The following FBXO16 variants were observed in gnomAD, a reference collection of about 807,000 sequenced individuals.
FBXO16 encodes the protein F-box protein 16.
A neutral mutation model predicts 41.0 loss-of-function variants in FBXO16; 31 were observed. The ratio of observed to expected loss-of-function variants is 0.76; its 90% CI spans 0.57 to 1.02. FBXO16 has a LOEUF of 1.02. Ranked by LOEUF, FBXO16 falls within the 50% of genes least tolerant of loss-of-function variation. FBXO16 has a pLI of 0.00. For missense variants in FBXO16, 361 were observed against 346.2 expected, an observed-to-expected ratio of 1.04 and a Z score of -0.34; for synonymous variants, 133 against 117.8, an observed-to-expected ratio of 1.13 and a Z score of -0.84.
At chr8:28,462,460 A>G (rs1029161219) in intron 4 of FBXO16, among the ~76,000 whole-genome samples, 5 of 150,952 alleles carry the variant, frequency 3.3e-5, no homozygotes, top group African/African-American at 1.2e-4. Flanking sequence ...TCGTATTTTT[A>G]GTAGAGACGG....
chr8:28,440,105 CTAT>C (rs34234188), intron 7 of FBXO16, among the ~76,000 whole-genome samples: 101,416 of 149,618 alleles, frequency 0.68, 35,874 homozygotes, highest in African/African-American at 0.88. Context: ...TATTTTATTA[CTAT>C]TATTATTATT....
intron 2 of FBXO16, among the ~76,000 whole-genome samples, chr8:28,480,533 C>T (rs191296117): frequency 6.6e-6 from 1 of 151,386 alleles, no homozygotes; most frequent in East Asian, 1.9e-4. Flanking sequence ...GACAGAGTCT[C>T]ACTCTGTTGC....
intron 4 of FBXO16, among the ~76,000 whole-genome samples, chr8:28,459,338 C>G (rs1417610106): frequency 6.6e-6 from 1 of 152,118 alleles, no homozygotes; most frequent in East Asian, 1.9e-4. Flanking sequence ...GCATCATAGG[C>G]TGGGCGCAGT....
chr8:28,433,059 CA>C (rs10551698), intron 7 of FBXO16, among the ~76,000 whole-genome samples: 3,984 of 117,632 alleles, frequency 0.034, 155 homozygotes, highest in African/African-American at 0.099. Flanking sequence ...AGACTTCGTC[CA>C]AAAAAAAAAA....
At chr8:28,457,063 C>T (rs1803051539) in intron 4 of FBXO16, 133 bp from the exon 5 acceptor site, 4 of 856,902 alleles carry the variant, frequency 4.7e-6, no homozygotes, top group South Asian at 2.0e-5. Context: ...CAAACCATAG[C>T]TTAAATGGTT....
At chr8:28,463,245 CGTTT>C (rs2130155500) in intron 4 of FBXO16, among the ~76,000 whole-genome samples, 1 of 144,284 alleles carries the variant, frequency 6.9e-6, no homozygotes, top group Non-Finnish European at 1.5e-5. Context: ...TTTGTGTACA[CGTTT>C]GTGTGTTTGT....
chr8:28,465,146 T>C (rs1394255489), intron 3 of FBXO16: 1 of 157,680 alleles, frequency 6.3e-6, no homozygotes, highest in Non-Finnish European at 1.4e-5. Flanking sequence ...AGGGTCAACT[T>C]GATATATATT....
At chr8:28,455,027 A>G (rs1413645604) in intron 5 of FBXO16, among the ~76,000 whole-genome samples, 1 of 151,908 alleles carries the variant, frequency 6.6e-6, no homozygotes, top group African/African-American at 2.4e-5. Context: ...CAATTTTAGT[A>G]TATGTGCTAC....
intron 1 of FBXO16, among the ~76,000 whole-genome samples, chr8:28,488,821 A>G (rs143875748): frequency 1.3e-5 from 2 of 152,232 alleles, no homozygotes; most frequent in African/African-American, 4.8e-5. Flanking sequence ...GTGGAAGTCT[A>G]GGTCTGCCAT....
At chr8:28,430,751 C>T (rs1344377292) in intron 7 of FBXO16, among the ~76,000 whole-genome samples, 1 of 152,142 alleles carries the variant, frequency 6.6e-6, no homozygotes, top group Non-Finnish European at 1.5e-5. Flanking sequence ...GCGGGCGGAT[C>T]ACCTGAGATC....
Position 28,429,399 on chromosome 8 carries a change from G to C in FBXO16, c.848C>G (p.Ser283Trp), listed in dbSNP as rs764236550. 2.5e-6 allele frequency: 4 copies of C among 1,613,900 alleles called. No individual in the cohort carries two copies. The highest frequency in any genetic ancestry group is 3.4e-6 in the Non-Finnish European group (4 of 1,179,906). Residue 283 changes from serine (S) to tryptophan (W), a missense_variant, in exon 8 of 9, where the codon TCG becomes TGG. Transcript: ENST00000380254. The part of the protein sequence containing the change: ...TRLRKAQSMM[S>W]RRNPFPLCP ...TCACAGTGGGAAGGGATTTCTCCTC[G>C]ACATCTGGCCGCGAGCAGGAAAGGG...
intron 7 of FBXO16, among the ~76,000 whole-genome samples, chr8:28,429,943 C>T (rs1467522919): frequency 2.0e-5 from 3 of 152,130 alleles, no homozygotes; most frequent in Non-Finnish European, 2.9e-5. Flanking sequence ...GGTGGATTCC[C>T]GAAGCCTTTA....
At chr8:28,463,116 C>G (rs895246356) in intron 4 of FBXO16, among the ~76,000 whole-genome samples, 3 of 151,994 alleles carry the variant, frequency 2.0e-5, no homozygotes, top group Non-Finnish European at 4.4e-5. Context: ...TATTGATCAT[C>G]CCTTCTCTTT....
chr8:28,438,842 G>A (rs1307980309), intron 7 of FBXO16, among the ~76,000 whole-genome samples: 1 of 152,152 alleles, frequency 6.6e-6, no homozygotes, highest in Non-Finnish European at 1.5e-5. Context: ...GCTTATGCCT[G>A]TAATCCCAGC....
At chr8:28,471,805 C>CAA (rs557259701) in intron 3 of FBXO16, among the ~76,000 whole-genome samples, 3,060 of 23,648 alleles carry the variant, frequency 0.13, 457 homozygotes, top group African/African-American at 0.15. Flanking sequence ...CAGAGAATCT[C>CAA]AAAAAAAAAA....
At chr8:28,459,196 T>C (rs1803084549) in intron 4 of FBXO16, among the ~76,000 whole-genome samples, 1 of 152,218 alleles carries the variant, frequency 6.6e-6, no homozygotes, top group Non-Finnish European at 1.5e-5. Flanking sequence ...TTCTTTTCCT[T>C]TCAGTTTTTA....
chr8:28,480,824 T>G (rs1375368166), intron 2 of FBXO16, among the ~76,000 whole-genome samples: 3 of 152,116 alleles, frequency 2.0e-5, no homozygotes, highest in African/African-American at 7.2e-5. Flanking sequence ...TTTCTTATGC[T>G]TCAGGAACCA....
intron 6 of FBXO16, among the ~76,000 whole-genome samples, chr8:28,447,869 A>C (rs763020205): frequency 2.6e-5 from 4 of 152,080 alleles, no homozygotes; most frequent in Non-Finnish European, 5.9e-5. Context: ...CAGGAGAATC[A>C]CTCGAACCCA....
At chr8:28,440,052 G>A (rs1802745430) in intron 7 of FBXO16, among the ~76,000 whole-genome samples, 1 of 151,194 alleles carries the variant, frequency 6.6e-6, no homozygotes, top group Non-Finnish European at 1.5e-5. Context: ...AAAGGGGTGT[G>A]AATGCTTAGA....
Sources: allele counts gnomAD v4.1 joint callset (sites outside exome capture counted in the v4.1 genomes callset), GRCh38; gene constraint gnomAD v4.1.1; transcripts MANE v1.5; gene names NCBI Gene and HGNC (gene_info 2026-07-23, HGNC 2026-07-21).